Variants in DNAH6 observed in about 807,000 individuals in gnomAD.
The protein encoded by DNAH6 is dynein axonemal heavy chain 6.
DNAH6 carries 340 observed loss-of-function variants against 491.4 expected under a neutral mutation model. That is an observed-to-expected ratio of 0.69 (90% confidence interval 0.63 to 0.76). DNAH6 has a LOEUF of 0.76. Among genes scored for constraint, DNAH6 ranks in the 30% least tolerant of loss-of-function variants. DNAH6 has a pLI of 0.00. For synonymous variants in DNAH6, 1,603 were observed against 1,686.1 expected (o/e 0.95, Z 1.21); for missense variants, 4,443 against 4,972.2 (o/e 0.89, Z 3.20).
intron 18 of DNAH6, among the ~76,000 whole-genome samples, chr2:84,601,042 T>C (rs1685181020): frequency 6.8e-6 from 1 of 147,854 alleles, no homozygotes; most frequent in East Asian, 2.0e-4. Context: ...TATTATACTA[T>C]AATAATAATG....
chr2:84,619,016 T>C (rs1224609074), intron 23 of DNAH6, among the ~76,000 whole-genome samples: 1 of 152,218 alleles, frequency 6.6e-6, no homozygotes, highest in African/African-American at 2.4e-5. Context: ...CCCCAATCTA[T>C]AGCAAAATAA....
chr2:84,499,389 C>A, the DNAH6 span, among the ~76,000 whole-genome samples: 20 of 152,296 alleles, frequency 1.3e-4, no homozygotes, highest in African/African-American at 4.6e-4. Flanking sequence ...CTTTTTATGG[C>A]TAAATAGTAC....
intron 60 of DNAH6, among the ~76,000 whole-genome samples, chr2:84,725,940 C>T (rs1265019081): frequency 6.6e-6 from 1 of 152,126 alleles, no homozygotes; most frequent in African/African-American, 2.4e-5. Context: ...AACTCTATTA[C>T]CTTTGTCAAC....
At chr2:84,668,189 C>T (rs1038325534) in intron 37 of DNAH6, among the ~76,000 whole-genome samples, 3 of 151,940 alleles carry the variant, frequency 2.0e-5, no homozygotes, top group Admixed American at 6.5e-5. Context: ...TGTATACATA[C>T]GTAATAAACT....
At chr2:84,802,366 T>G (rs1255056297) in intron 70 of DNAH6, among the ~76,000 whole-genome samples, 2 of 152,150 alleles carry the variant, frequency 1.3e-5, no homozygotes, top group Non-Finnish European at 2.9e-5. Flanking sequence ...TGGAAAAAGA[T>G]CTATCATGCA....
In DNAH6 at chr2:84,605,575, G is replaced by A. The variant is rs774756951; in HGVS notation, c.3157G>A (p.Gly1053Ser). The change falls in exon 20 of 77, where the codon GGC becomes AGC. Residue 1053 changes from glycine to serine, a missense_variant. Coordinates refer to ENST00000389394, the MANE Select transcript of DNAH6 (RefSeq NM_001370.2). Reference protein sequence around the residue: ...RDSKDVFILGGTDDIQVLLDD... With the variant: ...RDSKDVFILGSTDDIQVLLDD... Reference sequence around the variant, plus strand: ...CTCCAAAGATGTGTTTATACTGGGCGGCACAGATGACATACAGGTGGGTAA... The same window carrying A: ...CTCCAAAGATGTGTTTATACTGGGCAGCACAGATGACATACAGGTGGGTAA... 42 of 1,550,880 alleles carry A rather than the reference G, an allele frequency of 2.7e-5. No homozygotes were observed. Among genetic ancestry groups the A allele is most frequent in the Middle Eastern group, 3.3e-4 (2 of 6,016 alleles).
chr2:84,774,536 G>A (rs993851117), intron 64 of DNAH6, among the ~76,000 whole-genome samples: 4 of 151,892 alleles, frequency 2.6e-5, no homozygotes, highest in Admixed American at 6.6e-5. Context: ...GGATTGCTTT[G>A]GCCATTCAGA....
At chr2:84,758,379 G>T (rs567240150) in intron 63 of DNAH6, among the ~76,000 whole-genome samples, 3 of 152,196 alleles carry the variant, frequency 2.0e-5, no homozygotes, top group Middle Eastern at 3.4e-3. Flanking sequence ...AAAAGAAGTT[G>T]TTCCAAAAAT....
chr2:84,584,558 T>C (rs1683350489), intron 15 of DNAH6: 1 of 235,214 alleles, frequency 4.3e-6, no homozygotes, highest in Non-Finnish European at 8.4e-6. Flanking sequence ...TTTGAGCTGC[T>C]ACTTAAAAAT....
At chr2:84,664,367 A>G (rs1691856547) in intron 37 of DNAH6, among the ~76,000 whole-genome samples, 1 of 152,178 alleles carries the variant, frequency 6.6e-6, no homozygotes, top group Non-Finnish European at 1.5e-5. Context: ...TCACGTGCAA[A>G]GACACACATA....
chr2:84,665,162 GACACCCTAGCATCACAA>G, intron 37 of DNAH6, among the ~76,000 whole-genome samples: 1 of 152,132 alleles, frequency 6.6e-6, no homozygotes, highest in Non-Finnish European at 1.5e-5. Flanking sequence ...ATCTAAAATT[GACACCCTAGCATCACAA>G]TTAAAAGAAC....
In DNAH6 at chr2:84,654,711, G is replaced by A. The variant is rs1182166082; in HGVS notation, c.5686G>A (p.Val1896Met). The A allele has an allele frequency of 6.4e-7, 1 of 1,551,134 alleles. No homozygotes were observed. Among genetic ancestry groups the A allele is most frequent in the Non-Finnish European group, 8.7e-7 (1 of 1,146,464 alleles). ...SPATVSRCGMVFVDPEELKWM... is the reference protein window; with the variant it reads ...SPATVSRCGMMFVDPEELKWM... ...TGCAACAGTCAGTCGATGTGGAATG[G>A]TGTTTGTGGATCCTGAAGAACTGAA... Residue 1896 changes from valine to methionine, a missense_variant, in exon 35 of 77, where the codon GTG (valine) becomes ATG (methionine). Coordinates refer to ENST00000389394, the MANE Select transcript of DNAH6 (RefSeq NM_001370.2).
intron 1 of DNAH6, 138 bp from the exon 2 acceptor site, chr2:84,517,681 G>A (rs1028054565): frequency 3.1e-6 from 2 of 649,194 alleles, no homozygotes; most frequent in Non-Finnish European, 5.2e-6. Flanking sequence ...GGAAGACTGG[G>A]GTAACTTTGA....
At chr2:84,774,643 A>G (rs1675959797) in intron 64 of DNAH6, among the ~76,000 whole-genome samples, 1 of 152,094 alleles carries the variant, frequency 6.6e-6, no homozygotes, top group South Asian at 2.1e-4. Flanking sequence ...TTTGGGAAGT[A>G]TGGTCATTTT....
rs978946504 is a variant in DNAH6 at position 84,794,327 on chromosome 2, G to A, written c.11240-1979G>A. ...GCAAGAAAAGCCAAAATTGACAAAT[G>A]GGATCTAATTAAACTAAAGAGCTTC... On this transcript the variant is annotated intron_variant, in intron 68 of 76. Coordinates refer to ENST00000389394, the MANE Select transcript of DNAH6 (RefSeq NM_001370.2). 6.6e-5 allele frequency among the ~76,000 whole-genome samples: 10 copies of A among 151,812 alleles called. 1 individual carries two copies. The highest frequency in any genetic ancestry group is 3.9e-4 in the Admixed American group (6 of 15,242).
chr2:84,658,982 G>T, intron 36 of DNAH6, 44 bp from the exon 37 acceptor site: 1 of 1,187,816 alleles, frequency 8.4e-7, no homozygotes, highest in African/African-American at 1.6e-5. Context: ...TTCTTTTTAT[G>T]TTCATATATA....
chr2:84,703,403 T>G lies in DNAH6; in HGVS notation c.8070T>G (p.Asp2690Glu). The G allele has an allele frequency of 6.6e-7, 1 of 1,508,496 alleles. No homozygotes were observed. 93.4% of individuals were successfully genotyped at this position (1,508,496 alleles called of 1,614,324 possible). ...EKRKQIISAR[D>E]RVKNGLTKLL... is the part of the protein sequence containing the mutation. ...TTTTCATTGTCACTTAGGCACGAGA[T>G]CGGGTGAAGAATGGTCTCACCAAGC... The change falls in exon 50 of 77, where the codon GAT becomes GAG. Residue 2690 changes from aspartate to glutamate, a missense_variant. Coordinates refer to ENST00000389394, the MANE Select transcript of DNAH6 (RefSeq NM_001370.2).
intron 59 of DNAH6, among the ~76,000 whole-genome samples, chr2:84,719,035 A>G (rs1227256942): frequency 1.3e-5 from 2 of 152,266 alleles, no homozygotes; most frequent in Admixed American, 6.5e-5. Flanking sequence ...CATACTAAGA[A>G]CAAATGATTT....
At chr2:84,613,045 A>C (rs1336931545) in intron 22 of DNAH6, among the ~76,000 whole-genome samples, 2 of 152,144 alleles carry the variant, frequency 1.3e-5, no homozygotes, top group Non-Finnish European at 2.9e-5. Flanking sequence ...TCTGCTCCTA[A>C]GGATGTAAGA....
Sources: allele counts gnomAD v4.1 joint callset (sites outside exome capture counted in the v4.1 genomes callset), GRCh38; gene constraint gnomAD v4.1.1; transcripts MANE v1.5; gene names NCBI Gene and HGNC (gene_info 2026-07-23, HGNC 2026-07-21).